The following MARK2 variants were observed in gnomAD, a reference collection of about 807,000 sequenced individuals.
MARK2 encodes the protein microtubule affinity regulating kinase 2, also known as serine/threonine-protein kinase MARK2.
Under a neutral mutation model 89.8 loss-of-function variants are expected in MARK2, and 16 were observed. The ratio of observed to expected loss-of-function variants is 0.18; its 90% confidence interval spans 0.12 to 0.27. MARK2 has a LOEUF of 0.27. Among genes scored for constraint, MARK2 ranks in the 10% least tolerant of loss-of-function variants. MARK2 has a pLI of 1.00. For synonymous variants in MARK2, 382 were observed against 399.5 expected (o/e 0.96, Z 0.52); for missense variants, 621 against 1,049.9 (o/e 0.59, Z 5.65).
rs761160029 is a variant in MARK2, at chr11:63,903,170, G to C, written c.1514+12G>C. ...AATGGCAAAGACAGGTGAGAGACCCGGGCCCTGCCTGCCTCACTCCCTAGG... is the reference window on the plus strand; with the variant it reads ...AATGGCAAAGACAGGTGAGAGACCCCGGCCCTGCCTGCCTCACTCCCTAGG... On this transcript the variant is annotated intron_variant, in intron 14 of 18. Coordinates refer to ENST00000402010, the MANE Select transcript of MARK2 (RefSeq NM_001039469.3). This position sits in a 1 kb window ranked among gnomAD's most constrained non-coding sequence, Gnocchi z 5.1. 2.5e-6 allele frequency: 4 copies of C among 1,601,962 alleles called. No homozygotes were observed. Among genetic ancestry groups the C allele is most frequent in the Non-Finnish European group, 3.4e-6 (4 of 1,170,886 alleles).
chr11:63,902,390 C>G lies in MARK2; in HGVS notation c.1234+60C>G, dbSNP rs1225667670. 6.2e-7 allele frequency: 1 copy of G among 1,600,766 alleles called. No homozygotes were observed. The highest frequency in any genetic ancestry group is 8.5e-7 in the Non-Finnish European group (1 of 1,169,848). ...CCCCTCTCCAGAGAGGTTACAGGTTCTGTGGGGACTTGGGTAACACAACTA... is the reference window on the plus strand; with the variant it reads ...CCCCTCTCCAGAGAGGTTACAGGTTGTGTGGGGACTTGGGTAACACAACTA... On this transcript the variant is annotated intron_variant, in intron 12 of 18. Transcript: ENST00000402010. The surrounding 1 kb of genome is among the most constrained non-coding windows in gnomAD (Gnocchi z 4.2).
intron 1 of MARK2, among the ~76,000 whole-genome samples, chr11:63,869,625 C>T (rs1742856879): frequency 6.6e-6 from 1 of 152,048 alleles, no homozygotes. Context: ...TCAGGGTTGT[C>T]ATGTTTCTGA....
In MARK2 at chr11:63,904,230, G is replaced by T; in HGVS notation, c.1676+83G>T. On this transcript the variant is annotated intron_variant, in intron 15 of 18. Transcript: ENST00000402010. This position sits in a 1 kb window ranked among gnomAD's most constrained non-coding sequence, Gnocchi z 6.3. ...CCCCAACAATTTCTTCTTCCCACTT[G>T]GGGGTCCTGCTGTGTTCTTGTCATC... 7.9e-7 allele frequency: 1 copy of T among 1,260,412 alleles called. No individual in the cohort carries two copies. Among genetic ancestry groups the T allele is most frequent in the South Asian group, 1.4e-5 (1 of 70,106 alleles). 78.1% of individuals were successfully genotyped at this position (1,260,412 alleles called of 1,614,324 possible).
intron 1 of MARK2, among the ~76,000 whole-genome samples, chr11:63,852,942 C>CT (rs994795466): frequency 2.0e-5 from 3 of 152,208 alleles, no homozygotes; most frequent in African/African-American, 7.2e-5. Context: ...ACTGAAGCCT[C>CT]TATCTAACAG....
intron 1 of MARK2, among the ~76,000 whole-genome samples, chr11:63,885,561 G>A (rs776405168): frequency 8.6e-5 from 13 of 150,522 alleles, no homozygotes; most frequent in East Asian, 2.0e-4. Flanking sequence ...GAGGCTGGGC[G>A]TAGTGGCCCA....
intron 1 of MARK2, among the ~76,000 whole-genome samples, chr11:63,847,516 TG>T (rs565308787): frequency 6.6e-6 from 1 of 152,226 alleles, no homozygotes; most frequent in South Asian, 2.1e-4. Context: ...AAGCTGGTTT[TG>T]GGCAGCCTTG....
At chr11:63,895,517 G>A in intron 2 of MARK2, 63 bp from the exon 3 acceptor site, 1 of 1,511,390 alleles carries the variant, frequency 6.6e-7, no homozygotes, top group Non-Finnish European at 9.2e-7. Context: ...GGAGGAAGTA[G>A]ATTGGAATCC....
chr11:63,855,393 A>G (rs1486858027), intron 1 of MARK2, among the ~76,000 whole-genome samples: 1 of 151,978 alleles, frequency 6.6e-6, no homozygotes, highest in Non-Finnish European at 1.5e-5. Context: ...GCATGGTGAT[A>G]TGCACCTGCA....
chr11:63,867,494 C>T (rs1207331476), intron 1 of MARK2, among the ~76,000 whole-genome samples: 2 of 152,198 alleles, frequency 1.3e-5, no homozygotes, highest in African/African-American at 4.8e-5. Flanking sequence ...GAATCCCTTC[C>T]ACCTCCTTCC....
At chr11:63,849,211 C>T (rs892172106) in intron 1 of MARK2, among the ~76,000 whole-genome samples, 7 of 152,188 alleles carry the variant, frequency 4.6e-5, no homozygotes, top group South Asian at 2.1e-4. Flanking sequence ...CCTACTTCTC[C>T]GCCACAGAAG....
At chr11:63,849,241 G>A (rs1168592961) in intron 1 of MARK2, among the ~76,000 whole-genome samples, 2 of 152,148 alleles carry the variant, frequency 1.3e-5, no homozygotes, top group African/African-American at 4.8e-5. Context: ...GGCTATCTTT[G>A]CAAGTAGTAT....
intron 1 of MARK2, chr11:63,868,531 G>A (rs1591011429): frequency 6.5e-6 from 2 of 306,730 alleles, no homozygotes; most frequent in Middle Eastern, 1.2e-3. Context: ...GAGAAGATGA[G>A]GGAGAAAATT....
intron 1 of MARK2, chr11:63,882,785 GAAGAA>G (rs1376199358): frequency 6.6e-6 from 1 of 152,186 alleles, no homozygotes; most frequent in Non-Finnish European, 1.5e-5. Flanking sequence ...GTGGAGCTAG[GAAGAA>G]AAGCCCAGTG....
intron 1 of MARK2, among the ~76,000 whole-genome samples, chr11:63,878,904 T>G (rs1291329179): frequency 6.6e-6 from 1 of 152,210 alleles, no homozygotes; most frequent in Non-Finnish European, 1.5e-5. Context: ...TTGTAACATG[T>G]TTCTATGGAA....
At chr11:63,906,904 C>G (rs1020508657) in intron 17 of MARK2, among the ~76,000 whole-genome samples, 2 of 149,518 alleles carry the variant, frequency 1.3e-5, no homozygotes, top group African/African-American at 4.9e-5. Flanking sequence ...CCAGATATGG[C>G]CTGTCTCTTC....
In MARK2 at chr11:63,900,743, T is replaced by C. The variant is rs2133545; in HGVS notation, c.889-37T>C. 5,247 of 1,613,890 alleles carry C rather than the reference T, an allele frequency of 3.3e-3. 126 individuals carry two copies. The African/African-American group carries it at 0.056, about 17-fold the overall frequency. On this transcript the variant is annotated intron_variant, in intron 9 of 18. Transcript: ENST00000402010. This position sits in a 1 kb window ranked among gnomAD's most constrained non-coding sequence, Gnocchi z 4.7. ...CCCACAGAAACTTTCCAGCTGAGTT[T>C]CTTCCCCCTGCCCTTTTCCTTCTCT...
In MARK2 at chr11:63,839,499, C is replaced by G. The variant is rs1421515493; in HGVS notation, c.-8C>G. On this transcript the variant is annotated 5_prime_UTR_variant, in exon 1 of 19. Coordinates refer to ENST00000402010, the MANE Select transcript of MARK2 (RefSeq NM_001039469.3). ...CTTCTCGGTTCCCTCCCCCGAGATA[C>G]CGGCGCCATGTCCAGCGCTCGGACC... 3.3e-6 allele frequency: 5 copies of G among 1,526,204 alleles called. No individual in the cohort carries two copies. In the Admixed American group the frequency reaches 1.0e-4, roughly 31 times the overall value. The allele number at this position is 1,526,204 out of a possible 1,614,324, so 94.5% of individuals were successfully genotyped here. A position where few individuals can be genotyped will look rare whatever the true frequency, so the allele number is the denominator to read the frequency against.
chr11:63,850,275 A>G (rs373708050), intron 1 of MARK2, among the ~76,000 whole-genome samples: 2 of 150,118 alleles, frequency 1.3e-5, no homozygotes, highest in African/African-American at 4.9e-5. Context: ...CAGCCTCCCA[A>G]GTAGCTGGGA....
At chr11:63,882,654 ATTG>A (rs1939167177) in intron 1 of MARK2, 1 of 151,612 alleles carries the variant, frequency 6.6e-6, no homozygotes, top group African/African-American at 2.4e-5. Flanking sequence ...TCTTCTCTTT[ATTG>A]TTCCATTTTT....
Sources: gnomAD v4.1 joint callset for allele counts (sites outside exome capture counted in the v4.1 genomes callset) on GRCh38, gnomAD v4.1.1 for gene constraint, Gnocchi (gnomAD v3.1) non-coding constraint, MANE v1.5 for transcripts, NCBI Gene and HGNC (gene_info 2026-07-23, HGNC 2026-07-21) for gene names.